POLR3E: variants seen among roughly 807,000 people sequenced by gnomAD.
POLR3E encodes DNA-directed RNA polymerase III subunit RPC5.
A neutral mutation model predicts 96.6 loss-of-function variants in POLR3E; 41 were observed. The ratio of observed to expected loss-of-function variants is 0.42; its 90% CI spans 0.33 to 0.55. The LOEUF (loss-of-function observed/expected upper bound fraction) is 0.55, where lower values mean the gene tolerates loss of function less well. Among genes scored for constraint, POLR3E ranks in the 20% least tolerant of loss-of-function variants. The pLI is 0.06. For missense variants in POLR3E, 849 were observed against 952.1 expected, an observed-to-expected ratio of 0.89 and a Z score of 1.43; for synonymous variants, 396 against 383.6, an observed-to-expected ratio of 1.03 and a Z score of -0.38.
intron 20 of POLR3E, among the ~76,000 whole-genome samples, chr16:22,332,410 G>A (rs545963246): frequency 6.6e-6 from 1 of 152,246 alleles, no homozygotes; most frequent in African/African-American, 2.4e-5. Context: ...TAGTCACAGT[G>A]GTGTCCAAGG....
intron 13 of POLR3E, among the ~76,000 whole-genome samples, chr16:22,321,859 G>A (rs1206645629): frequency 6.6e-6 from 1 of 152,216 alleles, no homozygotes; most frequent in Non-Finnish European, 1.5e-5. Context: ...CATGTCAGGG[G>A]CCCCTGGGTG....
intron 1 of POLR3E, among the ~76,000 whole-genome samples, chr16:22,301,855 C>G (rs1269362278): frequency 6.7e-6 from 1 of 150,236 alleles, no homozygotes; most frequent in East Asian, 2.0e-4. Context: ...ACCCGGGAGG[C>G]AGAGGTTGCA....
At chr16:22,306,056 C>T (rs886835068) in intron 3 of POLR3E, among the ~76,000 whole-genome samples, 1 of 152,136 alleles carries the variant, frequency 6.6e-6, no homozygotes, top group Non-Finnish European at 1.5e-5. Context: ...AGCGATCAGT[C>T]TGTGCCCCCC....
Position 22,322,847 on chromosome 16 carries a change from C to T in POLR3E, c.987-3C>T. The T allele has an allele frequency of 6.2e-7, 1 of 1,609,318 alleles. No individual in the cohort carries two copies. The highest frequency in any genetic ancestry group is 8.5e-7 in the Non-Finnish European group (1 of 1,176,154). Reference sequence around the variant, plus strand: ...GACCTGCCATCCTCACCTGCATTGGCAGTGACATCCTATACCCCAAGGACT... The same window carrying T: ...GACCTGCCATCCTCACCTGCATTGGTAGTGACATCCTATACCCCAAGGACT... On this transcript the variant is annotated splice_polypyrimidine_tract_variant and splice_region_variant and intron_variant, in intron 13 of 20. Coordinates refer to ENST00000299853, the MANE Select transcript of POLR3E (RefSeq NM_018119.4). This position sits in a 1 kb window ranked among gnomAD's most constrained non-coding sequence, Gnocchi z 5.2.
chr16:22,302,017 A>G (rs973125661), intron 1 of POLR3E, among the ~76,000 whole-genome samples: 1 of 151,844 alleles, frequency 6.6e-6, no homozygotes, highest in Non-Finnish European at 1.5e-5. Context: ...CATCCTACCT[A>G]TGACCACCCC....
chr16:22,324,547 G>A lies in POLR3E; in HGVS notation c.1173G>A (p.Val391=). Residue 391 remains valine (V), a synonymous_variant, in exon 16 of 21, where the codon GTG becomes GTA. Coordinates refer to ENST00000299853, the MANE Select transcript of POLR3E (RefSeq NM_018119.4). ...DVKDFLEHMA[V]VRINKGWEFI... is the part of the protein sequence containing the mutation. ...AGGACTTCCTGGAGCACATGGCCGT[G>A]GTGAGGATCAACAAAGGCTGGGAGT... is the stretch of plus-strand genomic sequence containing the variant. The A allele has an allele frequency of 6.2e-7, 1 of 1,613,036 alleles. No homozygotes were observed. Among genetic ancestry groups the A allele is most frequent in the Non-Finnish European group, 8.5e-7 (1 of 1,179,602 alleles).
chr16:22,330,283 C>T (rs1186087761), intron 19 of POLR3E, among the ~76,000 whole-genome samples: 2 of 152,006 alleles, frequency 1.3e-5, no homozygotes, highest in East Asian at 1.9e-4. Flanking sequence ...GGTGGTCCCA[C>T]CATGTTGGCC....
At position 22,317,058 on chromosome 16, in the gene POLR3E, A is replaced by G. The variant is rs1567319953; in HGVS notation, c.773+19A>G. ...AGGAGAAGTGAGTAGAGGCGGCAGG[A>G]CACCCTCTCCCTTTCCGGGCTGGCT... On this transcript the variant is annotated intron_variant, in intron 11 of 20. Transcript: ENST00000299853. 2 of 1,613,810 alleles carry G rather than the reference A, an allele frequency of 1.2e-6. No homozygotes were observed. The highest frequency in any genetic ancestry group is 1.1e-5 in the South Asian group (1 of 91,082).
Position 22,322,724 on chromosome 16 carries a change from C to A in POLR3E, c.987-126C>A, listed in dbSNP as rs796545502. ...ACAGATGTGGCTCCTAAGGGGAGGT[C>A]TTGGGGCTCAGGCCTGTACCCAGCC... On this transcript the variant is annotated intron_variant, in intron 13 of 20. Coordinates refer to ENST00000299853, the MANE Select transcript of POLR3E (RefSeq NM_018119.4). The surrounding 1 kb of genome is among the most constrained non-coding windows in gnomAD (Gnocchi z 5.2). The A allele has an allele frequency of 5.5e-5, 35 of 640,856 alleles. No homozygotes were observed. The African/African-American group carries it at 6.4e-4, about 12-fold the overall frequency. 39.7% of individuals were successfully genotyped at this position (640,856 alleles called of 1,614,324 possible).
At chr16:22,319,906 C>T (rs1254827654) in intron 13 of POLR3E, among the ~76,000 whole-genome samples, 1 of 152,140 alleles carries the variant, frequency 6.6e-6, no homozygotes, top group Non-Finnish European at 1.5e-5. Flanking sequence ...TAATTATAGT[C>T]ACCCTGTAGT....
intron 12 of POLR3E, among the ~76,000 whole-genome samples, chr16:22,317,662 G>GTT (rs1324630663): frequency 5.0e-4 from 75 of 149,174 alleles, no homozygotes; most frequent in African/African-American, 1.7e-3. Flanking sequence ...TGTTGTTGTT[G>GTT]TTGTTTTTTT....
At chr16:22,333,576 T>C (rs1482661121) in intron 20 of POLR3E, 68 bp from the exon 21 acceptor site, 7 of 1,051,414 alleles carry the variant, frequency 6.7e-6, no homozygotes, top group Admixed American at 1.7e-5. Flanking sequence ...AGTGTTGACA[T>C]TGTGGACAGA....
At position 22,313,196 on chromosome 16, in the gene POLR3E, G is replaced by A. The variant is rs1036779347; in HGVS notation, c.365-424G>A. 1.3e-5 allele frequency among the ~76,000 whole-genome samples: 2 copies of A among 152,162 alleles called. No homozygotes were observed. The highest frequency in any genetic ancestry group is 4.8e-5 in the African/African-American group (2 of 41,436). On this transcript the variant is annotated intron_variant, in intron 6 of 20. Coordinates refer to ENST00000299853, the MANE Select transcript of POLR3E (RefSeq NM_018119.4). The surrounding 1 kb of genome is among the most constrained non-coding windows in gnomAD (Gnocchi z 4.1). ...GGGTGGGATTTTGGCGGGAAAAGAT[G>A]GAGGATAAGAAGGAGAGGAAATCCA...
rs1161797130 is a variant in POLR3E, at chr16:22,305,933, C to T, written c.87+727C>T. Reference sequence around the variant, plus strand: ...AGAATTTACACACCACACAGTTTCCCCATTTCAGTGTGTAATGCAATGGAT... The same window carrying T: ...AGAATTTACACACCACACAGTTTCCTCATTTCAGTGTGTAATGCAATGGAT... On this transcript the variant is annotated intron_variant, in intron 3 of 20. Transcript: ENST00000299853. Among the ~76,000 whole-genome samples the T allele has an allele frequency of 2.6e-5, 4 of 152,152 alleles. No individual in the cohort carries two copies. In the South Asian group the frequency reaches 6.2e-4, roughly 24 times the overall value.
chr16:22,317,472 AC>A (rs966930989), intron 12 of POLR3E, among the ~76,000 whole-genome samples: 1 of 152,116 alleles, frequency 6.6e-6, no homozygotes, highest in Non-Finnish European at 1.5e-5. Context: ...TGCCATGCTC[AC>A]CACTTGTCTG....
rs1175405305 is a variant in POLR3E at position 22,322,729 on chromosome 16, G to T, written c.987-121G>T. 7.6e-6 allele frequency: 5 copies of T among 655,094 alleles called. No homozygotes were observed. Among genetic ancestry groups the T allele is most frequent in the Non-Finnish European group, 1.1e-5 (4 of 369,702 alleles). The allele number at this position is 655,094 out of a possible 1,614,324, so 40.6% of individuals were successfully genotyped here. On this transcript the variant is annotated intron_variant, in intron 13 of 20. Transcript: ENST00000299853. This position sits in a 1 kb window ranked among gnomAD's most constrained non-coding sequence, Gnocchi z 5.2. The stretch of plus-strand genomic sequence containing the variant: ...TGTGGCTCCTAAGGGGAGGTCTTGG[G>T]GCTCAGGCCTGTACCCAGCCCACGG...
intron 4 of POLR3E, 44 bp from the exon 5 acceptor site, chr16:22,308,881 G>A: frequency 7.4e-7 from 1 of 1,345,064 alleles, no homozygotes; most frequent in Non-Finnish European, 1.1e-6. Flanking sequence ...GAGGAGCCAT[G>A]CCTTGGGGTC....
At chr16:22,299,558 C>T (rs951094437) in intron 1 of POLR3E, among the ~76,000 whole-genome samples, 11 of 151,472 alleles carry the variant, frequency 7.3e-5, no homozygotes, top group East Asian at 5.8e-4. Context: ...GGATTACAGG[C>T]GTGCATCACC....
intron 9 of POLR3E, among the ~76,000 whole-genome samples, 184 bp from the exon 10 acceptor site, chr16:22,316,417 G>T (rs1224147023): frequency 1.3e-5 from 2 of 152,218 alleles, no homozygotes; most frequent in African/African-American, 4.8e-5. Context: ...CTGGGGCTGG[G>T]CAGGTCATAA....
Sources: allele counts gnomAD v4.1 joint callset (sites outside exome capture counted in the v4.1 genomes callset), GRCh38; gene constraint gnomAD v4.1.1; non-coding constraint Gnocchi (gnomAD v3.1); transcripts MANE v1.5; gene names NCBI Gene and HGNC (gene_info 2026-07-23, HGNC 2026-07-21).